STXBP5L: variants seen among roughly 807,000 people sequenced by gnomAD.
STXBP5L encodes syntaxin binding protein 5L.
In STXBP5L, 65 loss-of-function variants were observed where a neutral mutation model predicts 144.5. That is an observed-to-expected ratio of 0.45 (90% CI 0.37 to 0.55). The LOEUF (loss-of-function observed/expected upper bound fraction) is 0.55. STXBP5L is among the 20% of genes least tolerant of loss of function. STXBP5L has a pLI of 0.00. For synonymous variants in STXBP5L, 505 were observed against 469.6 expected (o/e 1.08, Z -0.97); for missense variants, 1,298 against 1,405.5 (o/e 0.92, Z 1.22).
At chr3:120,954,415 T>C (rs945058507) in intron 2 of STXBP5L, among the ~76,000 whole-genome samples, 13 of 152,274 alleles carry the variant, frequency 8.5e-5, no homozygotes, top group African/African-American at 3.1e-4. Flanking sequence ...TCTGATTTTA[T>C]AAACTTGTGT....
chr3:120,914,492 G>A (rs563750369), intron 2 of STXBP5L, among the ~76,000 whole-genome samples: 1 of 152,118 alleles, frequency 6.6e-6, no homozygotes, highest in African/African-American at 2.4e-5. Context: ...CAGAAATACA[G>A]GCATGAACTG....
At chr3:121,336,778 A>G (rs1301450017) in intron 20 of STXBP5L, among the ~76,000 whole-genome samples, 2 of 152,198 alleles carry the variant, frequency 1.3e-5, no homozygotes, top group Non-Finnish European at 2.9e-5. Context: ...AATAGAAATC[A>G]TTCTACCATA....
intron 9 of STXBP5L, among the ~76,000 whole-genome samples, chr3:121,165,581 C>T (rs532188241): frequency 1.3e-5 from 2 of 152,150 alleles, no homozygotes; most frequent in Non-Finnish European, 2.9e-5. Flanking sequence ...TCTTATAACA[C>T]GACCATGAAA....
chr3:120,950,320 A>G (rs918330926), intron 2 of STXBP5L, among the ~76,000 whole-genome samples: 4 of 152,056 alleles, frequency 2.6e-5, no homozygotes, highest in African/African-American at 7.2e-5. Flanking sequence ...TCAAAAATCA[A>G]TGGACTGAAA....
At chr3:121,397,585 G>C (rs545626287) in intron 22 of STXBP5L, among the ~76,000 whole-genome samples, 1 of 152,122 alleles carries the variant, frequency 6.6e-6, no homozygotes, top group Non-Finnish European at 1.5e-5. Context: ...TGGGAACATC[G>C]TCTTTCCACT....
At chr3:120,984,821 G>A (rs776216176) in intron 3 of STXBP5L, among the ~76,000 whole-genome samples, 20 of 151,600 alleles carry the variant, frequency 1.3e-4, no homozygotes, top group South Asian at 2.1e-4. Flanking sequence ...AGCCTTTATC[G>A]TGTTGAGTTA....
intron 12 of STXBP5L, among the ~76,000 whole-genome samples, chr3:121,234,577 T>C (rs1209637610): frequency 6.6e-6 from 1 of 152,146 alleles, no homozygotes; most frequent in African/African-American, 2.4e-5. Flanking sequence ...AGGGGCTCTG[T>C]CTCCACATGG....
At chr3:121,265,668 T>C (rs1018220285) in intron 18 of STXBP5L, among the ~76,000 whole-genome samples, 2 of 151,840 alleles carry the variant, frequency 1.3e-5, no homozygotes, top group Non-Finnish European at 1.5e-5. Context: ...CTTCAGAAAA[T>C]CAATGAATCC....
At chr3:121,313,707 G>T (rs1365332363) in intron 19 of STXBP5L, among the ~76,000 whole-genome samples, 2 of 77,918 alleles carry the variant, frequency 2.6e-5, no homozygotes, top group African/African-American at 5.1e-5. Context: ...CTCACCTCCC[G>T]GACGGGGCGG....
intron 5 of STXBP5L, among the ~76,000 whole-genome samples, chr3:121,094,475 A>G (rs1228484159): frequency 6.6e-6 from 1 of 152,040 alleles, no homozygotes; most frequent in Non-Finnish European, 1.5e-5. Flanking sequence ...GTGCATATAT[A>G]TTTAGGATAG....
At chr3:121,106,357 G>T (rs979375090) in intron 5 of STXBP5L, among the ~76,000 whole-genome samples, 1 of 152,090 alleles carries the variant, frequency 6.6e-6, no homozygotes, top group Non-Finnish European at 1.5e-5. Flanking sequence ...CATCACATCG[G>T]TATTGAGCCC....
intron 3 of STXBP5L, among the ~76,000 whole-genome samples, chr3:121,021,970 TAAAC>T (rs568753382): frequency 2.0e-5 from 3 of 151,640 alleles, no homozygotes; most frequent in African/African-American, 7.3e-5. Flanking sequence ...AAAGACAAAT[TAAAC>T]AAAAACTGGT....
intron 3 of STXBP5L, among the ~76,000 whole-genome samples, chr3:120,977,817 T>C (rs1941256997): frequency 6.6e-6 from 1 of 152,214 alleles, no homozygotes; most frequent in Non-Finnish European, 1.5e-5. Context: ...TTAGTTTGGC[T>C]GGATATGAAA....
chr3:121,318,990 A>G (rs1384273023), intron 20 of STXBP5L, among the ~76,000 whole-genome samples: 1 of 152,186 alleles, frequency 6.6e-6, no homozygotes, highest in Non-Finnish European at 1.5e-5. Flanking sequence ...ATGATAGAAT[A>G]TGATATGAAG....
chr3:121,156,747 T>TTA (rs1302632347), intron 8 of STXBP5L, among the ~76,000 whole-genome samples: 1 of 151,744 alleles, frequency 6.6e-6, no homozygotes, highest in Non-Finnish European at 1.5e-5. Flanking sequence ...ATATAATAAT[T>TTA]TATAATAATA....
At chr3:121,041,551 T>G (rs1165615527) in intron 3 of STXBP5L, 149 bp from the exon 4 acceptor site, 7 of 572,622 alleles carry the variant, frequency 1.2e-5, no homozygotes, top group Non-Finnish European at 2.2e-5. Context: ...CAATTTAATT[T>G]ACATCTACTA....
intron 5 of STXBP5L, among the ~76,000 whole-genome samples, chr3:121,069,338 T>G (rs2041698982): frequency 6.6e-6 from 1 of 152,216 alleles, no homozygotes; most frequent in African/African-American, 2.4e-5. Flanking sequence ...CTTATTTTAT[T>G]TCTTGAGTAG....
intron 3 of STXBP5L, among the ~76,000 whole-genome samples, chr3:120,978,383 C>T (rs371124337): frequency 6.6e-6 from 1 of 152,194 alleles, no homozygotes; most frequent in Non-Finnish European, 1.5e-5. Flanking sequence ...CAAGCCTTGG[C>T]TTTCAGCTCC....
At chr3:121,007,578 C>G (rs977357371) in intron 3 of STXBP5L, among the ~76,000 whole-genome samples, 5 of 151,866 alleles carry the variant, frequency 3.3e-5, no homozygotes, top group African/African-American at 1.2e-4. Flanking sequence ...CAGCATTATT[C>G]TCCTCAGGAA....
Sources: allele counts gnomAD v4.1 joint callset (sites outside exome capture counted in the v4.1 genomes callset), GRCh38; gene constraint gnomAD v4.1.1; transcripts MANE v1.5; gene names NCBI Gene and HGNC (gene_info 2026-07-23, HGNC 2026-07-21).